Variants in FUCA1 observed in about 807,000 individuals in gnomAD.
FUCA1 encodes the protein alpha-L-fucosidase 1.
A neutral mutation model predicts 56.8 loss-of-function variants in FUCA1; 52 were observed. The ratio of observed to expected loss-of-function variants is 0.92; its 90% confidence interval spans 0.73 to 1.15. The LOEUF is 1.15. FUCA1 is among the 50% of genes most tolerant of loss of function. FUCA1 has a pLI of 0.00. For missense variants in FUCA1, 568 were observed against 592.6 expected (o/e 0.96, Z 0.43); for synonymous variants, 230 against 226.6 (o/e 1.02, Z -0.14).
chr1:23,865,688 G>A, intron 1 of FUCA1, 63 bp from the exon 2 acceptor site: 1 of 1,585,236 alleles, frequency 6.3e-7, no homozygotes, highest in Non-Finnish European at 8.7e-7. Flanking sequence ...AACTTGCCCA[G>A]CATGCCTGAG....
intron 7 of FUCA1, 29 bp downstream of exon 7, chr1:23,846,045 A>C: frequency 6.4e-7 from 1 of 1,567,668 alleles, no homozygotes; most frequent in South Asian, 1.1e-5. Flanking sequence ...ACAGAAAGTT[A>C]CATCTTAAGA....
intron 5 of FUCA1, among the ~76,000 whole-genome samples, chr1:23,853,726 T>C (rs1456973606): frequency 8.0e-5 from 12 of 149,512 alleles, no homozygotes; most frequent in African/African-American, 2.8e-4. Context: ...CTAAGAAAAA[T>C]TCTTCTGCCT....
chr1:23,853,566 C>T (rs1162621994), intron 5 of FUCA1, among the ~76,000 whole-genome samples: 4 of 151,952 alleles, frequency 2.6e-5, no homozygotes, highest in African/African-American at 7.3e-5. Flanking sequence ...GGAGGTGTAC[C>T]GAACAGCTCA....
chr1:23,846,228 C>A, intron 6 of FUCA1, 55 bp from the exon 7 acceptor site: 16 of 1,019,298 alleles, frequency 1.6e-5, no homozygotes, highest in Non-Finnish European at 2.2e-5. Context: ...TCCTGATATA[C>A]AACTTTATAC....
intron 6 of FUCA1, 66 bp from the exon 7 acceptor site, chr1:23,846,239 A>G (rs1365526344): frequency 1.0e-6 from 1 of 985,206 alleles, no homozygotes; most frequent in African/African-American, 1.7e-5. Flanking sequence ...AACTTTATAC[A>G]TTTCCTCCTT....
intron 2 of FUCA1, among the ~76,000 whole-genome samples, chr1:23,864,320 C>A (rs1192610995): frequency 6.6e-6 from 1 of 152,148 alleles, no homozygotes; most frequent in African/African-American, 2.4e-5. Context: ...GATCTCCTGA[C>A]CTCATGATCC....
Position 23,845,702 on chromosome 1 carries a change from T to G in FUCA1, c.*13A>C. 6.2e-7 allele frequency: 1 copy of G among 1,614,200 alleles called. No homozygotes were observed. Among genetic ancestry groups the G allele is most frequent in the Non-Finnish European group, 8.5e-7 (1 of 1,180,014 alleles). ...ACAGTGAGCAGCGCCTCTTTCTTCTTGCACTCAAATGATTACTTCACTCCT... is the reference window on the plus strand; with the variant it reads ...ACAGTGAGCAGCGCCTCTTTCTTCTGGCACTCAAATGATTACTTCACTCCT... On this transcript the variant is annotated 3_prime_UTR_variant, in exon 8 of 8. Transcript: ENST00000374479.
chr1:23,853,910 A>T (rs901675148), intron 5 of FUCA1, among the ~76,000 whole-genome samples: 14 of 150,782 alleles, frequency 9.3e-5, no homozygotes, highest in Non-Finnish European at 1.5e-4. Context: ...TCAAGTACCC[A>T]GGGACACAAA....
chr1:23,866,706 G>A (rs376295715), intron 1 of FUCA1, among the ~76,000 whole-genome samples: 1 of 152,180 alleles, frequency 6.6e-6, no homozygotes. Flanking sequence ...TGGCCAGTTT[G>A]CAGACCCTGG....
intron 6 of FUCA1, among the ~76,000 whole-genome samples, chr1:23,846,821 A>T (rs1235318807): frequency 6.6e-6 from 1 of 152,078 alleles, no homozygotes; most frequent in Non-Finnish European, 1.5e-5. Flanking sequence ...ACCTCAGGTG[A>T]TCCACCCGCC....
chr1:23,858,130 T>C (rs1639432275), intron 4 of FUCA1, among the ~76,000 whole-genome samples: 2 of 152,018 alleles, frequency 1.3e-5, no homozygotes, highest in African/African-American at 4.8e-5. Context: ...AGTGGCGCGA[T>C]CTCGGCTCAC....
rs1639469874 is a variant in FUCA1 at position 23,859,855 on chromosome 1, A to G, written c.711T>C (p.Asp237=). The change falls in exon 4 of 8, where the codon GAT becomes GAC. Residue 237 remains aspartate (D), a synonymous_variant. Transcript: ENST00000374479. ...IWSDGEWECP[D]TYWNSTNFLS... is the part of the protein sequence containing the mutation. ...GAAAATTTGTGGAGTTCCAGTAAGT[A>G]TCAGGACATTCCCACTCCCCATCAG... 1 of 1,613,738 alleles carries G rather than the reference A, an allele frequency of 6.2e-7. No homozygotes were observed. The highest frequency in any genetic ancestry group is 8.5e-7 in the Non-Finnish European group (1 of 1,179,630).
rs540129698 is a variant in FUCA1 at position 23,845,392 on chromosome 1, T to C, written c.*323A>G. ...AACAGGGTGACTTGGCTTAAAGGCA[T>C]TGAGTAAGCAAGTAGGTTATCAGAG... On this transcript the variant is annotated 3_prime_UTR_variant, in exon 8 of 8. Coordinates refer to ENST00000374479, the MANE Select transcript of FUCA1 (RefSeq NM_000147.5). 1.0e-5 allele frequency: 4 copies of C among 384,868 alleles called. No individual in the cohort carries two copies. The highest frequency in any genetic ancestry group is 2.0e-5 in the Non-Finnish European group (4 of 202,702). The allele number at this position is 384,868 out of a possible 1,614,324, so 23.8% of individuals were successfully genotyped here.
chr1:23,853,339 G>A (rs1471600351), intron 5 of FUCA1, among the ~76,000 whole-genome samples: 1 of 151,904 alleles, frequency 6.6e-6, no homozygotes, highest in Non-Finnish European at 1.5e-5. Flanking sequence ...CATCCGGGAG[G>A]GAGGTGGGGG....
chr1:23,853,965 C>T (rs1639336105), intron 5 of FUCA1, among the ~76,000 whole-genome samples: 1 of 150,232 alleles, frequency 6.7e-6, no homozygotes, highest in African/African-American at 2.4e-5. Context: ...AAACCAGAGA[C>T]CTTTGTTCAC....
At chr1:23,850,550 C>A (rs945973327) in intron 5 of FUCA1, among the ~76,000 whole-genome samples, 7 of 152,198 alleles carry the variant, frequency 4.6e-5, no homozygotes, top group Admixed American at 3.9e-4. Context: ...GTGGCGCAAT[C>A]TCAGCTCACT....
intron 5 of FUCA1, among the ~76,000 whole-genome samples, chr1:23,849,220 A>G (rs1217915577): frequency 6.6e-6 from 1 of 152,190 alleles, no homozygotes; most frequent in Non-Finnish European, 1.5e-5. Context: ...TCCTGACCTC[A>G]GGTGATCTGC....
chr1:23,845,732 G>T lies in FUCA1; in HGVS notation c.1384C>A (p.Leu462Met), dbSNP rs770042348. ...VPAEFAWTIK[L>M]TGVK ...TCAAATGATTACTTCACTCCTGTCA[G>T]CTTTATAGTCCAAGCAAACTCTGCG... is the stretch of plus-strand genomic sequence containing the variant. The change falls in exon 8 of 8, where the codon CTG becomes ATG. Residue 462 changes from leucine (L) to methionine (M), a missense_variant. Leu to Met is a conservative substitution (Grantham distance 15). Transcript: ENST00000374479. The T allele has an allele frequency of 6.2e-7, 1 of 1,614,192 alleles. No individual in the cohort carries two copies. The highest frequency in any genetic ancestry group is 2.2e-5 in the East Asian group (1 of 44,890).
chr1:23,846,851 G>A (rs566277962), intron 6 of FUCA1, among the ~76,000 whole-genome samples: 9 of 152,212 alleles, frequency 5.9e-5, no homozygotes, highest in South Asian at 4.1e-4. Context: ...CAAAGTGTTC[G>A]GATTACAGGC....
Sources: gnomAD v4.1 joint callset for allele counts (sites outside exome capture counted in the v4.1 genomes callset) on GRCh38, gnomAD v4.1.1 for gene constraint, MANE v1.5 for transcripts, NCBI Gene and HGNC (gene_info 2026-07-23, HGNC 2026-07-21) for gene names.